The following PSMG2 variants were observed in gnomAD, a reference collection of about 807,000 sequenced individuals.
The protein encoded by PSMG2 is proteasome assembly chaperone 2.
PSMG2 carries 21 observed loss-of-function variants against 31.5 expected under a neutral mutation model. That is an observed-to-expected ratio of 0.67 (90% CI 0.47 to 0.96). PSMG2 has a LOEUF of 0.96. Ranked by LOEUF, PSMG2 falls within the 40% of genes least tolerant of loss-of-function variation. The pLI, the probability that PSMG2 is intolerant of heterozygous loss-of-function variation, is 0.00. For synonymous variants in PSMG2, 120 were observed against 110.4 expected, an observed-to-expected ratio of 1.09 and a Z score of -0.54; for missense variants, 318 against 321.2, an observed-to-expected ratio of 0.99 and a Z score of 0.08.
At chr18:12,665,436 T>G (rs1304689645) in intron 1 of PSMG2, among the ~76,000 whole-genome samples, 1 of 152,124 alleles carries the variant, frequency 6.6e-6, no homozygotes, top group Non-Finnish European at 1.5e-5. Flanking sequence ...AACAGTTCTG[T>G]TAACCTGAAT....
At chr18:12,683,666 G>A (rs373993365) in intron 1 of PSMG2, among the ~76,000 whole-genome samples, 7 of 151,168 alleles carry the variant, frequency 4.6e-5, no homozygotes, top group African/African-American at 1.5e-4. Flanking sequence ...CAGGAGAATC[G>A]CTTGAACCCA....
upstream of PSMG2, chr18:12,702,885 G>C (rs1166513029): frequency 1.7e-6 from 1 of 577,324 alleles, no homozygotes; most frequent in Non-Finnish European, 3.0e-6. Flanking sequence ...TGCTTGCCAG[G>C]GTCTCCGAAA....
At chr18:12,677,136 G>GA (rs2039164373) in intron 1 of PSMG2, among the ~76,000 whole-genome samples, 1 of 151,946 alleles carries the variant, frequency 6.6e-6, no homozygotes, top group Admixed American at 6.6e-5. Context: ...CTTTACAAAG[G>GA]AAATCTACAT....
At chr18:12,689,349 G>C (rs1598643991) in intron 1 of PSMG2, among the ~76,000 whole-genome samples, 1 of 152,168 alleles carries the variant, frequency 6.6e-6, no homozygotes, top group East Asian at 1.9e-4. Flanking sequence ...TATATGGAAA[G>C]AGGTGGCATA....
In PSMG2 at chr18:12,718,119, C is replaced by T. The variant is rs555490116; in HGVS notation, c.289-398C>T. ...CACCTCCTGGGTTCAAGTGATTCTCCTGTCTCAGCCTCCTGAGTAGCTGGG... is the reference window on the plus strand; with the variant it reads ...CACCTCCTGGGTTCAAGTGATTCTCTTGTCTCAGCCTCCTGAGTAGCTGGG... On this transcript the variant is annotated intron_variant, in intron 3 of 6. Coordinates refer to ENST00000317615, the MANE Select transcript of PSMG2 (RefSeq NM_020232.5). Among the ~76,000 whole-genome samples the T allele has an allele frequency of 4.0e-5, 6 of 151,662 alleles. No individual in the cohort carries two copies. The South Asian group carries it at 1.0e-3, about 26-fold the overall frequency.
chr18:12,679,438 A>C (rs1450216742), intron 1 of PSMG2: 5 of 152,182 alleles, frequency 3.3e-5, no homozygotes, highest in Non-Finnish European at 7.3e-5. Flanking sequence ...GGCACGAAGC[A>C]CACTAGCAGG....
intron 1 of PSMG2, chr18:12,695,254 C>G: frequency 7.2e-7 from 1 of 1,394,366 alleles, no homozygotes; most frequent in Non-Finnish European, 1.0e-6. Context: ...AAGTATTTAC[C>G]TGTGTGTTCA....
intron 1 of PSMG2, among the ~76,000 whole-genome samples, chr18:12,690,143 G>A (rs908357559): frequency 6.6e-6 from 1 of 152,078 alleles, no homozygotes; most frequent in African/African-American, 2.4e-5. Context: ...TGATAATGTT[G>A]TTACCTTGCC....
At chr18:12,668,288 C>T (rs1217877960) in intron 1 of PSMG2, among the ~76,000 whole-genome samples, 1 of 150,586 alleles carries the variant, frequency 6.6e-6, no homozygotes, top group South Asian at 2.1e-4. Flanking sequence ...CCCACCGCCA[C>T]TGGCCAAAAA....
In PSMG2 at chr18:12,666,153, CAAA is replaced by C. The variant is rs35334528; in HGVS notation, c.-37+7395_-37+7397del. On this transcript the variant is annotated intron_variant, in intron 1 of 6. Coordinates refer to the PSMG2 transcript ENST00000585331. ...GCAACATAGCAAGAACTCATCTCTA[CAAA>C]AAAAAAAAAAAAAAGTTTAAAATTA... 3.6e-3 allele frequency among the ~76,000 whole-genome samples: 424 copies of C among 116,902 alleles called. 1 individual carries two copies. Among genetic ancestry groups the C allele is most frequent in the African/African-American group, 0.012 (350 of 29,106 alleles). The allele number at this position is 116,902 out of a possible 152,430, so 76.7% of individuals were successfully genotyped here.
chr18:12,719,324 C>T (rs998665570), intron 4 of PSMG2, among the ~76,000 whole-genome samples: 1 of 152,172 alleles, frequency 6.6e-6, no homozygotes, highest in African/African-American at 2.4e-5. Flanking sequence ...GAACTATAAG[C>T]TATCATTACC....
At chr18:12,720,405 T>G in intron 4 of PSMG2, 105 bp from the exon 5 acceptor site, 10 of 883,702 alleles carry the variant, frequency 1.1e-5, no homozygotes, top group Non-Finnish European at 1.6e-5. Context: ...CTGAAACTTG[T>G]GTTTTGCCTG....
intron 1 of PSMG2, among the ~76,000 whole-genome samples, chr18:12,659,469 C>G (rs193204199): frequency 1.3e-4 from 20 of 152,160 alleles, no homozygotes; most frequent in Admixed American, 2.0e-4. Flanking sequence ...GAGTTCGAGA[C>G]CAGCCTGGCC....
chr18:12,683,368 AAAC>A (rs757531295), intron 1 of PSMG2, among the ~76,000 whole-genome samples: 119 of 150,830 alleles, frequency 7.9e-4, no homozygotes, highest in Non-Finnish European at 8.1e-4. Context: ...AAACAAAAGA[AAAC>A]AACAACAACA....
At chr18:12,673,103 AAAC>A (rs1347087000) in intron 1 of PSMG2, 1 of 1,036,572 alleles carries the variant, frequency 9.6e-7, no homozygotes, top group Non-Finnish European at 1.2e-6. Context: ...TGATAACTGT[AAAC>A]AAAGTAGCAT....
chr18:12,713,323 C>T (rs544241495), intron 3 of PSMG2, among the ~76,000 whole-genome samples: 1 of 152,268 alleles, frequency 6.6e-6, no homozygotes, highest in South Asian at 2.1e-4. Context: ...GGGCTCGCTT[C>T]CTGATGCACT....
At chr18:12,690,428 CA>C (rs1288409659) in intron 1 of PSMG2, among the ~76,000 whole-genome samples, 1 of 150,970 alleles carries the variant, frequency 6.6e-6, no homozygotes, top group Non-Finnish European at 1.5e-5. Flanking sequence ...TTAGGAGTTA[CA>C]AAAAATACGT....
At chr18:12,705,502 T>C (rs557640923) in intron 1 of PSMG2, among the ~76,000 whole-genome samples, 1 of 151,686 alleles carries the variant, frequency 6.6e-6, no homozygotes, top group South Asian at 2.1e-4. Context: ...TTCTGGGATG[T>C]AGGTAGGGAT....
upstream of PSMG2, chr18:12,699,883 G>A (rs774450068): frequency 3.4e-5 from 54 of 1,596,606 alleles, no homozygotes; most frequent in Non-Finnish European, 4.4e-5. Flanking sequence ...TGGAGAGGAA[G>A]GGAGTTCTTG....
Sources: gnomAD v4.1 joint callset for allele counts (sites outside exome capture counted in the v4.1 genomes callset) on GRCh38, gnomAD v4.1.1 for gene constraint, MANE v1.5 for transcripts, NCBI Gene and HGNC (gene_info 2026-07-23, HGNC 2026-07-21) for gene names.